The following GPC6 variants were observed in gnomAD, a reference collection of about 807,000 sequenced individuals.
GPC6 encodes the protein glypican 6, also known as glypican-6.
Under a neutral mutation model 55.2 loss-of-function variants are expected in GPC6, and 14 were observed. That is an observed-to-expected ratio of 0.25 (90% CI 0.17 to 0.40). The LOEUF (loss-of-function observed/expected upper bound fraction) is 0.40. GPC6 is among the 10% of genes least tolerant of loss of function. GPC6 has a pLI of 1.00. For missense variants in GPC6, 641 were observed against 708.5 expected (o/e 0.90, Z 1.08); for synonymous variants, 278 against 259.6 (o/e 1.07, Z -0.68).
intron 4 of GPC6, among the ~76,000 whole-genome samples, chr13:94,131,800 T>G (rs989121965): frequency 2.6e-5 from 4 of 152,170 alleles, no homozygotes; most frequent in Non-Finnish European, 5.9e-5. Context: ...ATAACTTGCC[T>G]TCTTCAAATG....
chr13:93,821,832 T>C (rs1887055605), intron 2 of GPC6, among the ~76,000 whole-genome samples: 1 of 152,118 alleles, frequency 6.6e-6, no homozygotes, highest in South Asian at 2.1e-4. Flanking sequence ...CATTAATAGC[T>C]CTTATTTTAA....
chr13:94,076,101 C>T (rs1884903785), intron 4 of GPC6, among the ~76,000 whole-genome samples: 1 of 151,480 alleles, frequency 6.6e-6, no homozygotes, highest in South Asian at 2.1e-4. Context: ...GTTCCAGTTT[C>T]TCCACATCCT....
In GPC6 at chr13:94,007,955, C is replaced by A. The variant is rs905469196; in HGVS notation, c.712-19774C>A. On this transcript the variant is annotated intron_variant, in intron 3 of 8. Transcript: ENST00000377047. ...AGAAAATTTATTGATAATGCCATCC[C>A]CCCAAACAAAGCATCTGTTTTTATT... 1.4e-4 allele frequency among the ~76,000 whole-genome samples: 22 copies of A among 152,088 alleles called. 1 individual carries two copies. In the East Asian group the frequency reaches 2.3e-3, roughly 16 times the overall value.
chr13:93,706,561 A>T (rs996050059), intron 2 of GPC6, among the ~76,000 whole-genome samples: 1 of 151,892 alleles, frequency 6.6e-6, no homozygotes, highest in African/African-American at 2.4e-5. Context: ...TCAAAAGCCA[A>T]TTTATTGAGA....
chr13:93,538,291 TG>T (rs1195286906), intron 1 of GPC6, among the ~76,000 whole-genome samples: 3 of 152,152 alleles, frequency 2.0e-5, no homozygotes, highest in Non-Finnish European at 4.4e-5. Context: ...TTTAGAGTCA[TG>T]GAGGTATATG....
chr13:94,382,091 A>G (rs1880181172), intron 6 of GPC6, among the ~76,000 whole-genome samples: 1 of 152,208 alleles, frequency 6.6e-6, no homozygotes, highest in African/African-American at 2.4e-5. Flanking sequence ...GGGTGTTCAC[A>G]ATAGGGACTC....
chr13:94,076,851 G>GT (rs1884932367), intron 4 of GPC6, among the ~76,000 whole-genome samples: 1 of 151,366 alleles, frequency 6.6e-6, no homozygotes, highest in East Asian at 1.9e-4. Flanking sequence ...CTGTCTTTAT[G>GT]CCAGTGTCAT....
chr13:93,930,688 T>A (rs893353212), intron 3 of GPC6, among the ~76,000 whole-genome samples: 5 of 152,060 alleles, frequency 3.3e-5, no homozygotes, highest in Non-Finnish European at 5.9e-5. Context: ...AGCAGGGAAG[T>A]CACTTTAGGA....
intron 2 of GPC6, among the ~76,000 whole-genome samples, chr13:93,626,883 C>T (rs1335937567): frequency 1.3e-5 from 2 of 151,458 alleles, no homozygotes; most frequent in Non-Finnish European, 2.9e-5. Context: ...ACAAGCTGCA[C>T]AGGAAACGTG....
chr13:93,423,516 A>G (rs1211990563), intron 1 of GPC6, among the ~76,000 whole-genome samples: 1 of 152,142 alleles, frequency 6.6e-6, no homozygotes. Flanking sequence ...TATTCCACAA[A>G]GGATAATATG....
intron 1 of GPC6, among the ~76,000 whole-genome samples, chr13:93,363,757 T>G (rs1356997084): frequency 6.6e-6 from 1 of 150,904 alleles, no homozygotes; most frequent in Non-Finnish European, 1.5e-5. Context: ...ACCAACAGTG[T>G]AAAAGTGTTC....
intron 4 of GPC6, among the ~76,000 whole-genome samples, chr13:94,108,920 G>T (rs1886149267): frequency 6.6e-6 from 1 of 151,986 alleles, no homozygotes; most frequent in Admixed American, 6.6e-5. Flanking sequence ...TGTATTAGTG[G>T]CCTCACTGGT....
intron 2 of GPC6, among the ~76,000 whole-genome samples, chr13:93,567,424 T>C (rs980614065): frequency 6.6e-6 from 1 of 152,204 alleles, no homozygotes; most frequent in Non-Finnish European, 1.5e-5. Context: ...ATTTGGCCCC[T>C]ACAACATTTT....
intron 4 of GPC6, among the ~76,000 whole-genome samples, chr13:94,100,004 A>G (rs904133712): frequency 6.6e-6 from 1 of 152,124 alleles, no homozygotes; most frequent in Non-Finnish European, 1.5e-5. Flanking sequence ...AAAGATAGCT[A>G]TTGGCTACTG....
chr13:93,702,413 AG>A (rs1230591339), intron 2 of GPC6, among the ~76,000 whole-genome samples: 3 of 152,072 alleles, frequency 2.0e-5, no homozygotes, highest in African/African-American at 7.2e-5. Context: ...GACAGTGTAA[AG>A]TTAGCATCAT....
chr13:93,494,041 G>A lies in GPC6; in HGVS notation c.161-51222G>A, dbSNP rs1321131356. The stretch of plus-strand genomic sequence containing the variant: ...AGTTCTGTAGATGTCTATTAGGTCC[G>A]CTTGGTGCAGCGCTGAGTTCAATTC... On this transcript the variant is annotated intron_variant, in intron 1 of 8. Transcript: ENST00000377047. Among the ~76,000 whole-genome samples, 15 of 127,870 alleles carry A rather than the reference G, an allele frequency of 1.2e-4. 1 individual carries two copies. Among genetic ancestry groups the A allele is most frequent in the Admixed American group, 8.2e-5 (1 of 12,196 alleles). The allele number at this position is 127,870 out of a possible 152,430, so 83.9% of individuals were successfully genotyped here.
intron 1 of GPC6, among the ~76,000 whole-genome samples, chr13:93,365,495 G>A (rs1356150474): frequency 2.0e-5 from 3 of 151,972 alleles, no homozygotes; most frequent in African/African-American, 7.2e-5. Flanking sequence ...TTTCCAACCT[G>A]CTTGAAATAT....
At chr13:94,370,115 G>A (rs148178276) in intron 6 of GPC6, among the ~76,000 whole-genome samples, 63 of 152,340 alleles carry the variant, frequency 4.1e-4, no homozygotes, top group African/African-American at 1.4e-3. Context: ...AAAAGCCATG[G>A]CTTCTACATG....
chr13:93,966,839 G>A (rs1467019750), intron 3 of GPC6, among the ~76,000 whole-genome samples: 3 of 151,790 alleles, frequency 2.0e-5, no homozygotes, highest in Non-Finnish European at 4.4e-5. Flanking sequence ...TATTTTTGCA[G>A]TGATGGGGTC....
Sources: allele counts gnomAD v4.1 joint callset (sites outside exome capture counted in the v4.1 genomes callset), GRCh38; gene constraint gnomAD v4.1.1; transcripts MANE v1.5; gene names NCBI Gene and HGNC (gene_info 2026-07-23, HGNC 2026-07-21).